The following ATP7B variants were observed in gnomAD, a reference collection of about 807,000 sequenced individuals.
The protein encoded by ATP7B is copper-transporting ATPase 2.
ATP7B carries 113 observed loss-of-function variants against 118.9 expected under a neutral mutation model. The observed-to-expected ratio is 0.95, with a 90% CI of 0.82 to 1.11. ATP7B has a LOEUF of 1.11. Among genes scored for constraint, ATP7B ranks in the 50% most tolerant of loss-of-function variants. ATP7B has a pLI of 0.00. For synonymous variants in ATP7B, 777 were observed against 727.4 expected, an observed-to-expected ratio of 1.07 and a Z score of -1.10; for missense variants, 1,867 against 1,871.4, an observed-to-expected ratio of 1.00 and a Z score of 0.04.
At chr13:51,951,375 G>A (rs1394335749) in intron 9 of ATP7B, among the ~76,000 whole-genome samples, 1 of 151,724 alleles carries the variant, frequency 6.6e-6, no homozygotes, top group Non-Finnish European at 1.5e-5. Flanking sequence ...TGAGGGAAGA[G>A]AAGGGGAGGG....
chr13:51,942,395 CG>C lies in ATP7B; in HGVS notation c.3402del (p.Ala1135GlnfsTer13), dbSNP rs137853281. The C allele has an allele frequency of 3.9e-5, 63 of 1,614,074 alleles. No individual in the cohort carries two copies. Among genetic ancestry groups the C allele is most frequent in the Non-Finnish European group, 5.0e-5 (59 of 1,180,034 alleles). ...ASHLNEAGSL[P>X]AEKDAVPQTF... is the part of the protein sequence containing the mutation. ...CAAAAGCCAGCAATACCTTTTTCTGCGGGAAGGCTGCCAGCCTCATTCAGGT... is the reference window on the plus strand; with the variant it reads ...CAAAAGCCAGCAATACCTTTTTCTGCGGAAGGCTGCCAGCCTCATTCAGGT... On this transcript the variant is annotated frameshift_variant, in exon 15 of 21. Transcript: ENST00000242839. LOFTEE classifies it high-confidence loss of function.
intron 1 of ATP7B, among the ~76,000 whole-genome samples, chr13:51,990,945 G>A (rs1254476546): frequency 6.6e-6 from 1 of 152,170 alleles, no homozygotes; most frequent in Non-Finnish European, 1.5e-5. Context: ...AATATTAGTT[G>A]GGCGTGGTGG....
chr13:51,982,428 A>G (rs907355220), intron 1 of ATP7B, among the ~76,000 whole-genome samples: 2 of 152,186 alleles, frequency 1.3e-5, no homozygotes, highest in South Asian at 4.1e-4. Context: ...CACAGGGCAC[A>G]TGTATGCTTT....
intron 1 of ATP7B, among the ~76,000 whole-genome samples, chr13:51,994,164 G>A (rs1953077436): frequency 6.6e-6 from 1 of 152,192 alleles, no homozygotes; most frequent in African/African-American, 2.4e-5. Context: ...GGCAACATAT[G>A]AAAAGGCTGA....
intron 1 of ATP7B, among the ~76,000 whole-genome samples, chr13:51,976,075 T>C (rs1952103693): frequency 6.6e-6 from 1 of 152,214 alleles, no homozygotes; most frequent in African/African-American, 2.4e-5. Context: ...GTCTCAGTCA[T>C]TCTATTAACA....
At chr13:51,956,569 G>A (rs1958362030) in intron 9 of ATP7B, among the ~76,000 whole-genome samples, 1 of 152,206 alleles carries the variant, frequency 6.6e-6, no homozygotes, top group Non-Finnish European at 1.5e-5. Flanking sequence ...GGCAGGAGCG[G>A]GAGGTGCCAC....
rs786204718 is a variant in ATP7B, at chr13:51,950,069, C to T, written c.2668G>A (p.Val890Met). Reference sequence around the variant, plus strand: ...TGAGCCAAAGTGGTGTCATTGCCCACGTGGGTAGCTTTAATGAGCACAGAG... The same window carrying T: ...TGAGCCAAAGTGGTGTCATTGCCCATGTGGGTAGCTTTAATGAGCACAGAG... ...HGSVLIKATH[V>M]GNDTTLAQIV... The change falls in exon 11 of 21, where the codon GTG becomes ATG. Residue 890 changes from valine to methionine, a missense_variant. Transcript: ENST00000242839. 24 of 1,614,094 alleles carry T rather than the reference C, an allele frequency of 1.5e-5. No homozygotes were observed. Among genetic ancestry groups the T allele is most frequent in the African/African-American group, 4.0e-5 (3 of 74,916 alleles).
intron 14 of ATP7B, among the ~76,000 whole-genome samples, chr13:51,943,515 A>G (rs925904381): frequency 2.0e-5 from 3 of 152,232 alleles, no homozygotes; most frequent in Non-Finnish European, 4.4e-5. Flanking sequence ...CAGGCTGTTT[A>G]AAAGTTGTCA....
chr13:51,983,596 G>C (rs1952521323), intron 1 of ATP7B, among the ~76,000 whole-genome samples: 1 of 152,102 alleles, frequency 6.6e-6, no homozygotes, highest in African/African-American at 2.4e-5. Flanking sequence ...GTGGGTCCGT[G>C]ACCCCTGTGT....
intron 1 of ATP7B, among the ~76,000 whole-genome samples, chr13:51,980,435 T>C (rs1180296176): frequency 6.6e-6 from 1 of 152,184 alleles, no homozygotes; most frequent in African/African-American, 2.4e-5. Context: ...CCTCTCTAGG[T>C]ACCCAAGTCA....
At chr13:51,995,935 G>A (rs541665405) in intron 1 of ATP7B, among the ~76,000 whole-genome samples, 2 of 152,206 alleles carry the variant, frequency 1.3e-5, no homozygotes, top group Admixed American at 6.5e-5. Flanking sequence ...ACTTGCCAGA[G>A]TGCAGCAGTT....
rs1375230593 is a variant in ATP7B, at chr13:51,933,139, T to A, written c.*1617A>T. 1 of 152,222 alleles carries A rather than the reference T, an allele frequency of 6.6e-6. No homozygotes were observed. The allele number at this position is 152,222 out of a possible 1,614,324, so 9.4% of individuals were successfully genotyped here. On this transcript the variant is annotated 3_prime_UTR_variant, in exon 21 of 21. Coordinates refer to ENST00000242839, the MANE Select transcript of ATP7B (RefSeq NM_000053.4). Reference sequence around the variant, plus strand: ...GAGTTGAAACAATGAATAGATCACCTGGTAGATTTGTTCTTCCAGGAGGCA... The same window carrying A: ...GAGTTGAAACAATGAATAGATCACCAGGTAGATTTGTTCTTCCAGGAGGCA...
At chr13:51,935,054 T>C in intron 20 of ATP7B, 25 bp from the exon 21 acceptor site, 1 of 1,613,180 alleles carries the variant, frequency 6.2e-7, no homozygotes, top group Non-Finnish European at 8.5e-7. Context: ...CGCAACAGCA[T>C]CTGAGCCATT....
chr13:52,003,279 T>C (rs1487367590), intron 1 of ATP7B, among the ~76,000 whole-genome samples: 1 of 152,176 alleles, frequency 6.6e-6, no homozygotes, highest in Non-Finnish European at 1.5e-5. Flanking sequence ...ACACTTAGAA[T>C]CCATTGTAGG....
intron 1 of ATP7B, among the ~76,000 whole-genome samples, chr13:52,010,265 G>A (rs1302715149): frequency 2.0e-5 from 3 of 152,158 alleles, no homozygotes; most frequent in South Asian, 4.2e-4. Flanking sequence ...CTGTATCACC[G>A]GAGCCTAGAT....
chr13:51,950,099 G>C lies in ATP7B; in HGVS notation c.2638C>G (p.His880Asp). The C allele has an allele frequency of 6.2e-7, 1 of 1,614,234 alleles. No individual in the cohort carries two copies. Among genetic ancestry groups the C allele is most frequent in the Non-Finnish European group, 8.5e-7 (1 of 1,180,046 alleles). Residue 880 changes from histidine (H) to aspartate (D), a missense_variant, in exon 11 of 21, where the codon CAT (histidine) becomes GAT (aspartate). Coordinates refer to ENST00000242839, the MANE Select transcript of ATP7B (RefSeq NM_000053.4). ...STVIAGSINA[H>D]GSVLIKATHV... ...GTAGCTTTAATGAGCACAGAGCCAT[G>C]TGCATTTATAGACCCCGCAATTACA...
At chr13:51,992,410 G>A (rs573891335) in intron 1 of ATP7B, among the ~76,000 whole-genome samples, 5 of 152,310 alleles carry the variant, frequency 3.3e-5, no homozygotes, top group African/African-American at 1.2e-4. Flanking sequence ...CTCTCACTCA[G>A]CTTTCTCGTC....
chr13:51,972,802 C>A (rs186182043), intron 2 of ATP7B, among the ~76,000 whole-genome samples: 513 of 152,216 alleles, frequency 3.4e-3, no homozygotes, highest in Middle Eastern at 0.01. Flanking sequence ...GAGTTCAAGA[C>A]CAGCCTGGGA....
chr13:51,951,807 T>C (rs1009294651), intron 9 of ATP7B, among the ~76,000 whole-genome samples: 1 of 152,138 alleles, frequency 6.6e-6, no homozygotes, highest in African/African-American at 2.4e-5. Flanking sequence ...AGGGTTTGTG[T>C]GTTGCAGTGA....
Sources: allele counts gnomAD v4.1 joint callset (sites outside exome capture counted in the v4.1 genomes callset), GRCh38; gene constraint gnomAD v4.1.1; transcripts MANE v1.5; gene names NCBI Gene and HGNC (gene_info 2026-07-23, HGNC 2026-07-21).